ARHGEF26: variants seen among roughly 807,000 people sequenced by gnomAD.
The protein encoded by ARHGEF26 is Rho guanine nucleotide exchange factor 26.
Under a neutral mutation model 89.4 loss-of-function variants are expected in ARHGEF26, and 59 were observed. The ratio of observed to expected loss-of-function variants is 0.66; its 90% CI spans 0.54 to 0.82. ARHGEF26 has a LOEUF of 0.82. Among genes scored for constraint, ARHGEF26 ranks in the 40% least tolerant of loss-of-function variants. The probability of loss-of-function intolerance (pLI) is 0.00; values close to 1 mark genes in which losing one functional copy is unlikely to be tolerated. For missense variants in ARHGEF26, 1,234 were observed against 1,085.6 expected (o/e 1.14, Z -1.92); for synonymous variants, 500 against 428.4 (o/e 1.17, Z -2.06).
At chr3:154,249,881 C>CT (rs1212124869) in intron 12 of ARHGEF26, among the ~76,000 whole-genome samples, 2 of 152,164 alleles carry the variant, frequency 1.3e-5, no homozygotes, top group African/African-American at 2.4e-5. Context: ...AAATAGATGT[C>CT]TGTGAGTGAG....
At chr3:154,133,406 A>T (rs1718806049) in intron 4 of ARHGEF26, among the ~76,000 whole-genome samples, 1 of 152,066 alleles carries the variant, frequency 6.6e-6, no homozygotes, top group African/African-American at 2.4e-5. Context: ...TCATTTGTTT[A>T]ACTGAGCCTC....
rs2108313793 is a variant in ARHGEF26, at chr3:154,257,497, A to C, written c.*2024A>C. ...TAATACCCAGTTGAAGCTAAAAAGC[A>C]ACTATTTGAATCCTGTGAATTAATT... On this transcript the variant is annotated 3_prime_UTR_variant, in exon 15 of 15. Coordinates refer to ENST00000465093, the MANE Select transcript of ARHGEF26 (RefSeq NM_015595.4). 1 of 152,374 alleles carries C rather than the reference A, an allele frequency of 6.6e-6. No homozygotes were observed. Among genetic ancestry groups the C allele is most frequent in the African/African-American group, 2.4e-5 (1 of 41,596 alleles). The allele number at this position is 152,374 out of a possible 1,614,324, so 9.4% of individuals were successfully genotyped here.
intron 9 of ARHGEF26, among the ~76,000 whole-genome samples, chr3:154,206,746 A>T (rs1305431248): frequency 6.6e-6 from 1 of 152,210 alleles, no homozygotes; most frequent in Non-Finnish European, 1.5e-5. Flanking sequence ...TTCTTCACAG[A>T]ATTAGAAAAA....
intron 9 of ARHGEF26, among the ~76,000 whole-genome samples, chr3:154,195,002 A>G (rs901556541): frequency 2.0e-5 from 3 of 152,210 alleles, no homozygotes; most frequent in Non-Finnish European, 2.9e-5. Flanking sequence ...TTTATTGAGT[A>G]TCAACCACTG....
In ARHGEF26 at chr3:154,218,783, A is replaced by G. The variant is rs574577613; in HGVS notation, c.1935+825A>G. On this transcript the variant is annotated intron_variant, in intron 10 of 14. Transcript: ENST00000465093. ...ATTACTGCATGCTTGCTTTGGCAGC[A>G]TATATACTAGAATTGAGGATCACTG... Among the ~76,000 whole-genome samples the G allele has an allele frequency of 2.5e-4, 38 of 152,354 alleles. No homozygotes were observed. In the Middle Eastern group the frequency reaches 0.01, roughly 41 times the overall value.
rs116615468 is a variant in ARHGEF26 at position 154,152,610 on chromosome 3, G to A, written c.1327-162G>A. Among the ~76,000 whole-genome samples, 934 of 152,184 alleles carry A rather than the reference G, an allele frequency of 6.1e-3. 7 individuals are homozygous for A. The highest frequency in any genetic ancestry group is 0.021 in the African/African-American group (853 of 41,510). On this transcript the variant is annotated intron_variant, in intron 5 of 14. Coordinates refer to ENST00000465093, the MANE Select transcript of ARHGEF26 (RefSeq NM_015595.4). ...GGTAAATGTATATTATATAAAGAGA[G>A]TAGTTTTGTGATGTTGTTTCTTTAA...
At chr3:154,169,109 A>T (rs750836241) in intron 6 of ARHGEF26, among the ~76,000 whole-genome samples, 1 of 152,136 alleles carries the variant, frequency 6.6e-6, no homozygotes, top group Non-Finnish European at 1.5e-5. Context: ...GGAGGCTCAG[A>T]TGGAGGTAAA....
At chr3:154,195,654 G>C (rs933177034) in intron 9 of ARHGEF26, among the ~76,000 whole-genome samples, 3 of 152,182 alleles carry the variant, frequency 2.0e-5, no homozygotes, top group African/African-American at 7.2e-5. Flanking sequence ...GAAACATAGG[G>C]AGAGTGGATA....
chr3:154,227,784 T>C (rs1191430678), intron 11 of ARHGEF26, among the ~76,000 whole-genome samples: 1 of 152,214 alleles, frequency 6.6e-6, no homozygotes, highest in African/African-American at 2.4e-5. Context: ...TCTGTCTCAG[T>C]AGACCAAGAG....
At chr3:154,226,693 A>ACC (rs776905320) in intron 11 of ARHGEF26, among the ~76,000 whole-genome samples, 4 of 123,132 alleles carry the variant, frequency 3.2e-5, no homozygotes, top group African/African-American at 1.1e-4. Context: ...ACACACACAC[A>ACC]CACCCCTTCA....
intron 6 of ARHGEF26, among the ~76,000 whole-genome samples, chr3:154,186,357 T>G (rs1713546636): frequency 6.9e-6 from 1 of 145,488 alleles, no homozygotes; most frequent in African/African-American, 2.5e-5. Flanking sequence ...ACAATTGCTA[T>G]CTATATGACA....
At chr3:154,181,366 C>T (rs576676620) in intron 6 of ARHGEF26, among the ~76,000 whole-genome samples, 2 of 152,204 alleles carry the variant, frequency 1.3e-5, no homozygotes, top group East Asian at 1.9e-4. Context: ...TGAATATGAC[C>T]TTCTCTGGTA....
chr3:154,226,148 C>A, intron 11 of ARHGEF26, 138 bp downstream of exon 11: 1 of 725,132 alleles, frequency 1.4e-6, no homozygotes, highest in Non-Finnish European at 2.1e-6. Flanking sequence ...ATAATTGCAT[C>A]TATGGTTCAT....
intron 6 of ARHGEF26, among the ~76,000 whole-genome samples, chr3:154,161,722 G>A (rs1711674161): frequency 6.6e-6 from 1 of 152,090 alleles, no homozygotes; most frequent in African/African-American, 2.4e-5. Flanking sequence ...TCTTTATTTT[G>A]ACATTGAGTG....
intron 12 of ARHGEF26, among the ~76,000 whole-genome samples, chr3:154,245,898 A>G (rs1433986423): frequency 3.3e-5 from 5 of 152,200 alleles, no homozygotes; most frequent in African/African-American, 1.2e-4. Flanking sequence ...CTTATATCCA[A>G]GTGAAGAACC....
chr3:154,172,748 T>TA (rs1245109240), intron 6 of ARHGEF26, among the ~76,000 whole-genome samples: 3 of 152,260 alleles, frequency 2.0e-5, no homozygotes, highest in Admixed American at 6.5e-5. Flanking sequence ...ATAGAACAGA[T>TA]ACATTCATTC....
chr3:154,121,222 A>G (rs1440275657), upstream of ARHGEF26: 2 of 152,276 alleles, frequency 1.3e-5, no homozygotes. Context: ...GCTGGAGCTC[A>G]GAACCCAGCT....
chr3:154,233,288 G>GA (rs995507519), intron 11 of ARHGEF26, among the ~76,000 whole-genome samples: 3 of 151,946 alleles, frequency 2.0e-5, no homozygotes, highest in Non-Finnish European at 4.4e-5. Context: ...TCAGTCAAGT[G>GA]AAAAAAAATT....
intron 13 of ARHGEF26, 72 bp from the exon 14 acceptor site, chr3:154,254,648 A>G (rs996863350): frequency 3.3e-5 from 37 of 1,133,974 alleles, no homozygotes; most frequent in Non-Finnish European, 4.8e-5. Flanking sequence ...AAAATAAGTA[A>G]GTGTACATTA....
Sources: allele counts gnomAD v4.1 joint callset (sites outside exome capture counted in the v4.1 genomes callset), GRCh38; gene constraint gnomAD v4.1.1; transcripts MANE v1.5; gene names NCBI Gene and HGNC (gene_info 2026-07-23, HGNC 2026-07-21).